PPIP5K2: variants seen among roughly 807,000 people sequenced by gnomAD.
The protein encoded by PPIP5K2 is inositol hexakisphosphate and diphosphoinositol-pentakisphosphate kinase 2.
In PPIP5K2, 105 loss-of-function variants were observed where a neutral mutation model predicts 154.6. The ratio of observed to expected loss-of-function variants is 0.68; its 90% CI spans 0.58 to 0.80. The LOEUF is 0.80. Among genes scored for constraint, PPIP5K2 ranks in the 30% least tolerant of loss-of-function variants. The pLI is 0.00. For synonymous variants in PPIP5K2, 480 were observed against 490.3 expected (o/e 0.98, Z 0.28); for missense variants, 992 against 1,504.6 (o/e 0.66, Z 5.64).
Position 103,184,666 on chromosome 5 carries a change from A to T in PPIP5K2, c.3097-6A>T. On this transcript the variant is annotated splice_polypyrimidine_tract_variant and splice_region_variant and intron_variant, in intron 25 of 30. Transcript: ENST00000358359. ...TTACTTCATTTATTTTGGATTCCTT[A>T]TGCAGGTTGTATCTGAAAATGCTAA... The T allele has an allele frequency of 6.2e-7, 1 of 1,607,076 alleles. No homozygotes were observed.
chr5:103,123,050 A>G (rs954604228), intron 1 of PPIP5K2, among the ~76,000 whole-genome samples: 15 of 152,228 alleles, frequency 9.9e-5, no homozygotes, highest in Non-Finnish European at 2.1e-4. Context: ...CTGTGGCTTC[A>G]TTAGACAAGA....
At chr5:103,155,312 A>G (rs1374388620) in intron 13 of PPIP5K2, among the ~76,000 whole-genome samples, 2 of 147,218 alleles carry the variant, frequency 1.4e-5, no homozygotes, top group Non-Finnish European at 3.0e-5. Context: ...ACAGCTTTAC[A>G]TTTTTAATCT....
intron 2 of PPIP5K2, among the ~76,000 whole-genome samples, chr5:103,133,164 T>C (rs782812535): frequency 6.6e-6 from 1 of 152,128 alleles, no homozygotes; most frequent in African/African-American, 2.4e-5. Context: ...ATGCTAGAGG[T>C]AGTTAAAGAG....
At chr5:103,138,505 C>A in intron 5 of PPIP5K2, 36 bp downstream of exon 5, 1 of 1,365,138 alleles carries the variant, frequency 7.3e-7, no homozygotes, top group South Asian at 1.2e-5. Flanking sequence ...CTTCCTTTGC[C>A]ACTTGACATA....
At chr5:103,172,070 A>G (rs532481635) in intron 19 of PPIP5K2, among the ~76,000 whole-genome samples, 2 of 151,818 alleles carry the variant, frequency 1.3e-5, no homozygotes, top group Non-Finnish European at 3.0e-5. Flanking sequence ...GTTTTTACCC[A>G]GACCAGCAGT....
chr5:103,184,138 C>T (rs1799993921), intron 25 of PPIP5K2: 1 of 152,326 alleles, frequency 6.6e-6, no homozygotes, highest in Non-Finnish European at 1.5e-5. Context: ...TCTACTGTCA[C>T]ACATGAGGTT....
At chr5:103,189,163 G>A in intron 28 of PPIP5K2, 1 of 1,526,414 alleles carries the variant, frequency 6.6e-7, no homozygotes, top group Non-Finnish European at 8.8e-7. Context: ...GGGCCTCTGT[G>A]CAGAACACCT....
chr5:103,193,405 C>G (rs1244702208), intron 29 of PPIP5K2, among the ~76,000 whole-genome samples: 1 of 151,878 alleles, frequency 6.6e-6, no homozygotes, highest in Non-Finnish European at 1.5e-5. Flanking sequence ...GGAAAAGGAA[C>G]TGTTAATCAT....
intron 5 of PPIP5K2, among the ~76,000 whole-genome samples, chr5:103,144,332 C>A (rs1793373225): frequency 6.6e-6 from 1 of 152,004 alleles, no homozygotes; most frequent in Non-Finnish European, 1.5e-5. Context: ...TTGAAAGAAT[C>A]AGTATTGTTA....
chr5:103,122,085 T>A (rs902145670), intron 1 of PPIP5K2, among the ~76,000 whole-genome samples: 1 of 152,192 alleles, frequency 6.6e-6, no homozygotes, highest in Non-Finnish European at 1.5e-5. Flanking sequence ...AGCAAGTGTA[T>A]GTGTGTGTAT....
At chr5:103,120,580 G>A in intron 1 of PPIP5K2, 92 bp downstream of exon 1, 1 of 453,788 alleles carries the variant, frequency 2.2e-6, no homozygotes, top group Admixed American at 2.4e-5. Context: ...TGTCTCCTGT[G>A]CTCTGCAGAC....
intron 23 of PPIP5K2, among the ~76,000 whole-genome samples, chr5:103,179,628 G>A (rs1446635229): frequency 1.3e-5 from 2 of 152,054 alleles, no homozygotes; most frequent in African/African-American, 4.8e-5. Flanking sequence ...AAATACAAGT[G>A]CTGTTTAGTT....
In PPIP5K2 at chr5:103,158,690, G is replaced by A; in HGVS notation, c.1737+117G>A. 3 of 818,348 alleles carry A rather than the reference G, an allele frequency of 3.7e-6. 1 individual carries two copies. The highest frequency in any genetic ancestry group is 5.4e-6 in the Non-Finnish European group (3 of 551,652). 50.7% of individuals were successfully genotyped at this position (818,348 alleles called of 1,614,324 possible). ...TAATCCTAGCACTTTGGGAGGCTGA[G>A]GTGGTCAGATCACTAGAGCCCAGGA... On this transcript the variant is annotated intron_variant, in intron 16 of 30. Transcript: ENST00000358359.
chr5:103,136,877 C>T, intron 4 of PPIP5K2, 55 bp downstream of exon 4: 4 of 1,246,006 alleles, frequency 3.2e-6, no homozygotes, highest in Admixed American at 1.7e-5. Flanking sequence ...TAATTTAGTA[C>T]CTACTGTACA....
At chr5:103,165,559 C>G (rs188131000) in intron 17 of PPIP5K2, among the ~76,000 whole-genome samples, 7 of 151,872 alleles carry the variant, frequency 4.6e-5, no homozygotes, top group South Asian at 4.1e-4. Flanking sequence ...AGAGCCCCTG[C>G]GAGGGGCAAC....
chr5:103,176,780 G>A (rs1798782377), intron 21 of PPIP5K2: 1 of 756,546 alleles, frequency 1.3e-6, no homozygotes, highest in African/African-American at 1.8e-5. Flanking sequence ...TGCCTTTTCA[G>A]ATAGAATTTT....
In PPIP5K2 at chr5:103,206,168, A is replaced by T. The variant is rs1469592531; in HGVS notation, c.*4534A>T. ...ATTATTACACATTTCTGAAGGTCCAAAGGTGGGGTTGGCTTCAGCCACAGT... is the reference window on the plus strand; with the variant it reads ...ATTATTACACATTTCTGAAGGTCCATAGGTGGGGTTGGCTTCAGCCACAGT... On this transcript the variant is annotated 3_prime_UTR_variant, in exon 31 of 31. Coordinates refer to ENST00000358359, the MANE Select transcript of PPIP5K2 (RefSeq NM_001276277.3). 1.3e-5 allele frequency: 2 copies of T among 152,192 alleles called. No homozygotes were observed. Among genetic ancestry groups the T allele is most frequent in the African/African-American group, 4.8e-5 (2 of 41,460 alleles). The allele number at this position is 152,192 out of a possible 1,614,324, so 9.4% of individuals were successfully genotyped here.
intron 9 of PPIP5K2, among the ~76,000 whole-genome samples, chr5:103,152,229 C>T (rs1033707103): frequency 6.6e-6 from 1 of 151,560 alleles, no homozygotes; most frequent in Admixed American, 6.6e-5. Context: ...CATTTTTAAC[C>T]CTATTAGTAT....
At chr5:103,148,207 C>G (rs1343912700) in intron 7 of PPIP5K2, 175 bp downstream of exon 7, 6 of 663,334 alleles carry the variant, frequency 9.0e-6, no homozygotes, top group Non-Finnish European at 1.4e-5. Flanking sequence ...CCTATGGACT[C>G]TTTTTTAAGA....
Sources: allele counts gnomAD v4.1 joint callset (sites outside exome capture counted in the v4.1 genomes callset), GRCh38; gene constraint gnomAD v4.1.1; transcripts MANE v1.5; gene names NCBI Gene and HGNC (gene_info 2026-07-23, HGNC 2026-07-21).